ADCY9: variants seen among roughly 807,000 people sequenced by gnomAD.
The protein encoded by ADCY9 is adenylate cyclase 9.
Under a neutral mutation model 101.5 loss-of-function variants are expected in ADCY9, and 50 were observed. The ratio of observed to expected loss-of-function variants is 0.49; its 90% confidence interval spans 0.39 to 0.62. The LOEUF (loss-of-function observed/expected upper bound fraction) is 0.62, where lower values mean the gene tolerates loss of function less well. Ranked by LOEUF, ADCY9 falls within the 20% of genes least tolerant of loss-of-function variation. The probability of loss-of-function intolerance (pLI) is 0.00; values close to 1 mark genes in which losing one functional copy is unlikely to be tolerated. For synonymous variants in ADCY9, 905 were observed against 769.3 expected (o/e 1.18, Z -2.92); for missense variants, 1,662 against 1,800.4 (o/e 0.92, Z 1.39).
chr16:4,068,861 G>A (rs1034164561), intron 2 of ADCY9, among the ~76,000 whole-genome samples: 1 of 151,312 alleles, frequency 6.6e-6, no homozygotes, highest in South Asian at 2.1e-4. Context: ...TGCACATATG[G>A]GTACACGCAG....
In ADCY9 at chr16:3,966,026, C is replaced by T. The variant is rs746886527; in HGVS notation, c.3811G>A (p.Gly1271Arg). 4.3e-6 allele frequency: 7 copies of T among 1,614,154 alleles called. No individual in the cohort carries two copies. Among genetic ancestry groups the T allele is most frequent in the South Asian group, 2.2e-5 (2 of 91,082 alleles). The change falls in exon 11 of 11, where the codon GGA (glycine) becomes AGA (arginine). Residue 1271 changes from glycine (G) to arginine (R), a missense_variant. Coordinates refer to ENST00000294016, the MANE Select transcript of ADCY9 (RefSeq NM_001116.4). ...GCAATCTCGTCTGTGGGAGACCGTC[C>T]GATGCTGCCATCCACCTGGACGCGG... ...DIRVQVDGSI[G>R]RSPTDEIANL...
intron 2 of ADCY9, among the ~76,000 whole-genome samples, chr16:4,077,251 T>C (rs979104605): frequency 3.3e-5 from 5 of 152,254 alleles, no homozygotes; most frequent in Non-Finnish European, 2.9e-5. Flanking sequence ...CATGCCTGCA[T>C]GGAACAGCAC....
chr16:3,969,940 A>C (rs1355244013), intron 10 of ADCY9, among the ~76,000 whole-genome samples: 2 of 152,010 alleles, frequency 1.3e-5, no homozygotes, highest in African/African-American at 4.8e-5. Flanking sequence ...ATGTAGAAAA[A>C]AATAGACAAA....
intron 2 of ADCY9, among the ~76,000 whole-genome samples, chr16:4,070,107 T>C (rs531344864): frequency 3.7e-5 from 4 of 107,276 alleles, no homozygotes; most frequent in East Asian, 2.4e-4. Flanking sequence ...CAAAAAAATA[T>C]GTATGTGTGT....
chr16:3,957,043 G>C (rs979394465), intron 5 of ADCY9, among the ~76,000 whole-genome samples: 7 of 152,072 alleles, frequency 4.6e-5, no homozygotes, highest in Non-Finnish European at 7.4e-5. Flanking sequence ...ATTTTTCCTC[G>C]TGGTCACTTT....
intron 2 of ADCY9, among the ~76,000 whole-genome samples, chr16:4,088,751 CTT>C (rs2141186979): frequency 6.6e-6 from 1 of 152,158 alleles, no homozygotes; most frequent in African/African-American, 2.4e-5. Context: ...CTACAACTGT[CTT>C]GTACTACAAT....
chr16:4,010,560 G>A (rs1385234311), intron 2 of ADCY9, among the ~76,000 whole-genome samples: 1 of 152,200 alleles, frequency 6.6e-6, no homozygotes, highest in Admixed American at 6.5e-5. Flanking sequence ...ACACTGATGG[G>A]TGCAGGGACG....
chr16:3,978,680 TAA>T (rs1019568107), intron 8 of ADCY9, among the ~76,000 whole-genome samples: 1 of 152,054 alleles, frequency 6.6e-6, no homozygotes, highest in African/African-American at 2.4e-5. Context: ...CTCAGGAGAG[TAA>T]AAGAGTTCGT....
intron 2 of ADCY9, among the ~76,000 whole-genome samples, chr16:4,044,255 G>C (rs113732314): frequency 0.04 from 6,040 of 152,046 alleles, 418 homozygotes; most frequent in African/African-American, 0.14. Context: ...GCTGAAGCAG[G>C]AGAATCGCTT....
rs2055969468 is a variant in ADCY9 at position 3,964,439 on chromosome 16, C to G, written c.*1336G>C. ...CAAACCCCGCGTTTGCATCCAGATGCCTCTGTCCCTAGATACGGTGTGAGA... is the reference window on the plus strand; with the variant it reads ...CAAACCCCGCGTTTGCATCCAGATGGCTCTGTCCCTAGATACGGTGTGAGA... On this transcript the variant is annotated 3_prime_UTR_variant, in exon 11 of 11. Transcript: ENST00000294016. 1 of 152,348 alleles carries G rather than the reference C, an allele frequency of 6.6e-6. No homozygotes were observed. The highest frequency in any genetic ancestry group is 1.5e-5 in the Non-Finnish European group (1 of 68,156). The allele number at this position is 152,348 out of a possible 1,614,324, so 9.4% of individuals were successfully genotyped here.
intron 5 of ADCY9, among the ~76,000 whole-genome samples, chr16:3,953,889 C>T (rs1366304306): frequency 6.6e-6 from 1 of 152,238 alleles, no homozygotes; most frequent in Non-Finnish European, 1.5e-5. Flanking sequence ...GCTGTCAGAG[C>T]CGCGTCACAG....
At chr16:4,087,670 T>C (rs530089324) in intron 2 of ADCY9, among the ~76,000 whole-genome samples, 37 of 151,904 alleles carry the variant, frequency 2.4e-4, no homozygotes, top group African/African-American at 8.4e-4. Flanking sequence ...ATGTGCTGGA[T>C]CAAATCAGAT....
rs541110646 is a variant in ADCY9 at position 3,993,991 on chromosome 16, G to A, written c.1885-481C>T. ...GCCAGGCGGGACCGGGGGCAGGAAG[G>A]GGGAGTGGCTGCTAAGGGGCGTGGG... is the stretch of plus-strand genomic sequence containing the variant. On this transcript the variant is annotated intron_variant, in intron 3 of 10. Transcript: ENST00000294016. Among the ~76,000 whole-genome samples, 3 of 152,268 alleles carry A rather than the reference G, an allele frequency of 2.0e-5. No individual in the cohort carries two copies. The South Asian group carries it at 6.2e-4, about 32-fold the overall frequency.
chr16:4,113,586 T>C (rs1019134434), intron 2 of ADCY9, among the ~76,000 whole-genome samples, 164 bp downstream of exon 2: 4 of 152,182 alleles, frequency 2.6e-5, no homozygotes, highest in African/African-American at 9.6e-5. Flanking sequence ...CTGTGATATT[T>C]GACCCGCTGA....
intron 2 of ADCY9, among the ~76,000 whole-genome samples, chr16:4,109,624 G>A (rs980248105): frequency 2.0e-5 from 3 of 152,100 alleles, no homozygotes; most frequent in Admixed American, 6.5e-5. Flanking sequence ...CCATTCACAT[G>A]GTCAAGCCCT....
Position 4,114,973 on chromosome 16 carries a change from A to G in ADCY9, c.470T>C (p.Val157Ala), listed in dbSNP as rs1479243093. The stretch of plus-strand genomic sequence containing the variant: ...GGTGAAGGTAAACAGAAAGAAGCCC[A>G]CACACACCAGGAGGAAGCACAGCGC... ...APALCFLLVC[V>A]GFFLFTFTKL... The change falls in exon 2 of 11, where the codon GTG becomes GCG. Residue 157 changes from valine (V) to alanine (A), a missense_variant. Val to Ala is a moderately conservative substitution (Grantham distance 64). Transcript: ENST00000294016. The surrounding 1 kb of genome is among the most constrained non-coding windows in gnomAD (Gnocchi z 4.3). 6.2e-7 allele frequency: 1 copy of G among 1,614,086 alleles called. No individual in the cohort carries two copies. Among genetic ancestry groups the G allele is most frequent in the East Asian group, 2.2e-5 (1 of 44,888 alleles).
intron 3 of ADCY9, among the ~76,000 whole-genome samples, chr16:3,995,791 A>G (rs1221375717): frequency 1.3e-5 from 2 of 152,212 alleles, no homozygotes; most frequent in African/African-American, 4.8e-5. Flanking sequence ...AATAAAAGAA[A>G]CAAAGATTCT....
intron 3 of ADCY9, among the ~76,000 whole-genome samples, chr16:4,001,131 T>C (rs1567432163): frequency 6.6e-6 from 1 of 152,264 alleles, no homozygotes; most frequent in South Asian, 2.1e-4. Context: ...AAGCAACTCA[T>C]GCTGGCGCGA....
intron 10 of ADCY9, among the ~76,000 whole-genome samples, chr16:3,970,830 A>T (rs2056044781): frequency 6.6e-6 from 1 of 152,182 alleles, no homozygotes; most frequent in Non-Finnish European, 1.5e-5. Flanking sequence ...TGGGTAAGCC[A>T]TGCCATCTTT....
Sources: gnomAD v4.1 joint callset for allele counts (sites outside exome capture counted in the v4.1 genomes callset) on GRCh38, gnomAD v4.1.1 for gene constraint, Gnocchi (gnomAD v3.1) non-coding constraint, MANE v1.5 for transcripts, NCBI Gene and HGNC (gene_info 2026-07-23, HGNC 2026-07-21) for gene names.